ERC2: variants seen among roughly 807,000 people sequenced by gnomAD.
ERC2 encodes ERC protein 2.
A neutral mutation model predicts 114.8 loss-of-function variants in ERC2; 42 were observed. That is an observed-to-expected ratio of 0.37 (90% CI 0.29 to 0.47). The LOEUF is 0.47. Among genes scored for constraint, ERC2 ranks in the 20% least tolerant of loss-of-function variants. The pLI is 0.99. For missense variants in ERC2, 939 were observed against 1,150.7 expected, an observed-to-expected ratio of 0.82 and a Z score of 2.66; for synonymous variants, 454 against 425.5, an observed-to-expected ratio of 1.07 and a Z score of -0.82.
At chr3:55,614,953 A>G (rs2059064708) in intron 17 of ERC2, among the ~76,000 whole-genome samples, 1 of 152,246 alleles carries the variant, frequency 6.6e-6, no homozygotes, top group South Asian at 2.1e-4. Context: ...AAAACAACCT[A>G]CCACTTTAAG....
At chr3:56,134,950 TTTTG>T (rs1230429887) in intron 6 of ERC2, among the ~76,000 whole-genome samples, 1 of 151,730 alleles carries the variant, frequency 6.6e-6, no homozygotes, top group Admixed American at 6.6e-5. Flanking sequence ...TTGTTTTTGT[TTTTG>T]TTTTTGTTTT....
At chr3:55,728,112 T>TCATA in intron 15 of ERC2, among the ~76,000 whole-genome samples, 1 of 152,188 alleles carries the variant, frequency 6.6e-6, no homozygotes, top group East Asian at 1.9e-4. Flanking sequence ...ATTCATTCAT[T>TCATA]CATACATTCA....
chr3:55,699,603 C>A (rs2063119071), intron 15 of ERC2, 91 bp from the exon 16 acceptor site: 3 of 1,334,532 alleles, frequency 2.2e-6, no homozygotes, highest in Non-Finnish European at 3.0e-6. Flanking sequence ...CTATAGGGAT[C>A]CCTTTGTTCC....
At chr3:56,129,206 T>C (rs1238658560) in intron 6 of ERC2, among the ~76,000 whole-genome samples, 2 of 152,272 alleles carry the variant, frequency 1.3e-5, no homozygotes, top group Middle Eastern at 3.4e-3. Context: ...CGTATGAAAA[T>C]GGGTGAAAAA....
chr3:56,034,966 A>G (rs1327580011), intron 7 of ERC2, among the ~76,000 whole-genome samples: 1 of 152,008 alleles, frequency 6.6e-6, no homozygotes, highest in Non-Finnish European at 1.5e-5. Context: ...GAAGGAAATA[A>G]TAGAAAGCAA....
chr3:55,671,860 G>A (rs2061573617), intron 17 of ERC2, among the ~76,000 whole-genome samples: 1 of 152,104 alleles, frequency 6.6e-6, no homozygotes, highest in African/African-American at 2.4e-5. Context: ...TTCTACATGA[G>A]GGTGTGAGAA....
intron 6 of ERC2, among the ~76,000 whole-genome samples, chr3:56,096,445 G>A (rs2078068846): frequency 6.6e-6 from 1 of 152,088 alleles, no homozygotes; most frequent in African/African-American, 2.4e-5. Context: ...CTCAGAAGGA[G>A]GAAAGCAGGA....
At chr3:55,577,076 G>C (rs1043086800) in intron 17 of ERC2, among the ~76,000 whole-genome samples, 6 of 152,138 alleles carry the variant, frequency 3.9e-5, no homozygotes, top group Non-Finnish European at 7.4e-5. Flanking sequence ...AGAGGCCTGC[G>C]ATCAGCCCCT....
intron 14 of ERC2, among the ~76,000 whole-genome samples, chr3:55,785,885 G>A (rs2069446236): frequency 6.6e-6 from 1 of 152,212 alleles, no homozygotes; most frequent in Non-Finnish European, 1.5e-5. Context: ...CTACTTCTGA[G>A]TGGGTTGTGT....
At chr3:55,866,410 C>G (rs993594) in intron 14 of ERC2, among the ~76,000 whole-genome samples, 1 of 152,046 alleles carries the variant, frequency 6.6e-6, no homozygotes, top group Non-Finnish European at 1.5e-5. Flanking sequence ...TTTTCTCCCA[C>G]ATTGTAGTTT....
intron 6 of ERC2, among the ~76,000 whole-genome samples, chr3:56,085,892 C>T (rs1274136961): frequency 1.3e-5 from 2 of 152,090 alleles, no homozygotes; most frequent in Non-Finnish European, 1.5e-5. Context: ...CTGCATCCTA[C>T]CTATCAAAGC....
intron 3 of ERC2, among the ~76,000 whole-genome samples, chr3:56,224,679 C>T (rs1310842556): frequency 2.0e-5 from 3 of 152,236 alleles, no homozygotes; most frequent in South Asian, 4.1e-4. Flanking sequence ...CACCCACACA[C>T]GGGTTTTAAT....
intron 13 of ERC2, among the ~76,000 whole-genome samples, chr3:55,930,855 T>C (rs2066037275): frequency 6.6e-6 from 1 of 152,020 alleles, no homozygotes; most frequent in Non-Finnish European, 1.5e-5. Flanking sequence ...AATCTATCCA[T>C]CTGACAAAGG....
chr3:56,387,404 A>AT (rs2059973162), intron 2 of ERC2, among the ~76,000 whole-genome samples: 1 of 152,112 alleles, frequency 6.6e-6, no homozygotes, highest in Non-Finnish European at 1.5e-5. Flanking sequence ...ATGCAAAGTG[A>AT]TTTTTTTAAT....
chr3:55,909,871 C>T (rs2064697159), intron 13 of ERC2, among the ~76,000 whole-genome samples: 1 of 152,060 alleles, frequency 6.6e-6, no homozygotes, highest in East Asian at 1.9e-4. Flanking sequence ...GTTTTTGCAT[C>T]CAAATATCAT....
At chr3:55,618,459 T>A (rs779789338) in intron 17 of ERC2, among the ~76,000 whole-genome samples, 2 of 152,198 alleles carry the variant, frequency 1.3e-5, no homozygotes, top group Non-Finnish European at 2.9e-5. Flanking sequence ...TTTTAAAACA[T>A]CTAAAGTTCA....
intron 17 of ERC2, among the ~76,000 whole-genome samples, chr3:55,620,366 G>A (rs568610734): frequency 6.6e-6 from 1 of 152,262 alleles, no homozygotes; most frequent in Non-Finnish European, 1.5e-5. Context: ...GGGGTTTTTA[G>A]ATGTATAAAC....
chr3:56,398,327 GA>G (rs112420758), intron 2 of ERC2, among the ~76,000 whole-genome samples: 9 of 152,262 alleles, frequency 5.9e-5, no homozygotes, highest in African/African-American at 2.2e-4. Flanking sequence ...TGAGGTTTAA[GA>G]CCGAAAGGGG....
chr3:55,665,593 A>C (rs558825826), intron 17 of ERC2, among the ~76,000 whole-genome samples: 1 of 152,306 alleles, frequency 6.6e-6, no homozygotes, highest in South Asian at 2.1e-4. Flanking sequence ...GCCAAGGAAC[A>C]CCAGAGATTG....
Sources: allele counts gnomAD v4.1 joint callset (sites outside exome capture counted in the v4.1 genomes callset), GRCh38; gene constraint gnomAD v4.1.1; transcripts MANE v1.5; gene names NCBI Gene and HGNC (gene_info 2026-07-23, HGNC 2026-07-21).